The following ADAMTSL1 variants were observed in gnomAD, a reference collection of about 807,000 sequenced individuals.
ADAMTSL1 encodes ADAMTS like 1.
In ADAMTSL1, 126 loss-of-function variants were observed where a neutral mutation model predicts 201.8. That is an observed-to-expected ratio of 0.62 (90% CI 0.54 to 0.72). The LOEUF (loss-of-function observed/expected upper bound fraction) is 0.72, where lower values mean the gene tolerates loss of function less well. Ranked by LOEUF, ADAMTSL1 falls within the 30% of genes least tolerant of loss-of-function variation. The pLI is 0.00. For synonymous variants in ADAMTSL1, 1,121 were observed against 903.4 expected, an observed-to-expected ratio of 1.24 and a Z score of -4.32; for missense variants, 2,679 against 2,277.8, an observed-to-expected ratio of 1.18 and a Z score of -3.59.
chr9:18,306,800 C>A (rs1450908032), intron 2 of ADAMTSL1, among the ~76,000 whole-genome samples: 1 of 152,162 alleles, frequency 6.6e-6, no homozygotes, highest in Non-Finnish European at 1.5e-5. Flanking sequence ...ACTTCCCCAA[C>A]CTAGCAAGAC....
intron 3 of ADAMTSL1, among the ~76,000 whole-genome samples, chr9:18,546,141 C>G (rs1820452898): frequency 6.6e-6 from 1 of 152,134 alleles, no homozygotes; most frequent in Non-Finnish European, 1.5e-5. Context: ...AATTGTGAAA[C>G]TTAAAGAGGT....
In ADAMTSL1 at chr9:18,664,893, A is replaced by T. The variant is rs754918974; in HGVS notation, c.1085+2820A>T. 9.7e-4 allele frequency among the ~76,000 whole-genome samples: 147 copies of T among 152,166 alleles called. 1 individual carries two copies. Among genetic ancestry groups the T allele is most frequent in the Non-Finnish European group, 1.7e-3 (115 of 67,946 alleles). ...AGAGCCTGTTGTTCCACAGTTTTTT[A>T]AATTAAATTTTGTTTTATATATTTT... On this transcript the variant is annotated intron_variant, in intron 9 of 28. Coordinates refer to ENST00000380548, the MANE Select transcript of ADAMTSL1 (RefSeq NM_001040272.6).
rs367904539 is a variant in ADAMTSL1 at position 18,622,149 on chromosome 9, A to G, written c.475-94A>G. The G allele has an allele frequency of 1.4e-5, 21 of 1,499,628 alleles. No homozygotes were observed. The East Asian group carries it at 1.8e-4, about 13-fold the overall frequency. The allele number at this position is 1,499,628 out of a possible 1,614,324, so 92.9% of individuals were successfully genotyped here. ...GGGGTATGTTTTAGGCCCCTCAGGG[A>G]TGAAGGGAGGGTTATTTCATGGTGA... On this transcript the variant is annotated intron_variant, in intron 4 of 28. Coordinates refer to ENST00000380548, the MANE Select transcript of ADAMTSL1 (RefSeq NM_001040272.6).
intron 2 of ADAMTSL1, among the ~76,000 whole-genome samples, chr9:18,299,521 A>G (rs939048592): frequency 6.6e-6 from 1 of 152,208 alleles, no homozygotes; most frequent in Non-Finnish European, 1.5e-5. Context: ...ACAGATGAGA[A>G]GAGAGATCTC....
At chr9:18,229,251 G>A (rs1245505640) in intron 2 of ADAMTSL1, among the ~76,000 whole-genome samples, 1 of 152,092 alleles carries the variant, frequency 6.6e-6, no homozygotes, top group African/African-American at 2.4e-5. Flanking sequence ...ACTATTTAAG[G>A]CAAAAGAACA....
At chr9:18,658,361 A>T (rs555978761) in intron 8 of ADAMTSL1, among the ~76,000 whole-genome samples, 4 of 152,360 alleles carry the variant, frequency 2.6e-5, no homozygotes, top group African/African-American at 9.6e-5. Context: ...GTCCTGAAGC[A>T]GGCAGGTCCA....
chr9:18,772,307 T>C (rs988657954), intron 17 of ADAMTSL1, among the ~76,000 whole-genome samples: 1 of 152,214 alleles, frequency 6.6e-6, no homozygotes, highest in Non-Finnish European at 1.5e-5. Context: ...TGTGTTATAA[T>C]TGTCTTCCTG....
chr9:18,574,023 T>G lies in ADAMTSL1; in HGVS notation c.238-7T>G. On this transcript the variant is annotated splice_polypyrimidine_tract_variant and splice_region_variant and intron_variant, in intron 3 of 28. Coordinates refer to ENST00000380548, the MANE Select transcript of ADAMTSL1 (RefSeq NM_001040272.6). The stretch of plus-strand genomic sequence containing the variant: ...CTTTGTATGTCCTTTCTCTCTTTTT[T>G]CTCCAGGACTGCCCACCAGAAGCAG... 3.1e-6 allele frequency: 5 copies of G among 1,610,492 alleles called. No individual in the cohort carries two copies. Among genetic ancestry groups the G allele is most frequent in the Non-Finnish European group, 4.2e-6 (5 of 1,177,848 alleles).
chr9:18,484,674 C>T (rs890481679), intron 1 of ADAMTSL1, among the ~76,000 whole-genome samples: 2 of 152,202 alleles, frequency 1.3e-5, no homozygotes, highest in Non-Finnish European at 2.9e-5. Context: ...GGTTTTCCCA[C>T]AAAAGGTTTG....
rs866653658 is a variant in ADAMTSL1 at position 18,054,020 on chromosome 9, C to T, written c.88-109842C>T. 8.7e-4 allele frequency among the ~76,000 whole-genome samples: 132 copies of T among 152,050 alleles called. 1 individual carries two copies. Among genetic ancestry groups the T allele is most frequent in the African/African-American group, 3.0e-3 (123 of 41,458 alleles). ...TTTTTTTTCAGAATATTTCAGTAGC[C>T]TGTGCAGTTCTGGTTATAAAAGGAC... On this transcript the variant is annotated intron_variant, in intron 1 of 29. Coordinates refer to the ADAMTSL1 transcript ENST00000680146.
rs1274168972 is a variant in ADAMTSL1, at chr9:18,693,751, G to A, written c.1574+8951G>A. 4.6e-5 allele frequency among the ~76,000 whole-genome samples: 7 copies of A among 152,100 alleles called. No homozygotes were observed. In the East Asian group the frequency reaches 1.3e-3, roughly 29 times the overall value. ...GAAGTTCTACCTTCATAGAGATTTG[G>A]TCAAGTGAGGGGGACAATTATTACA... On this transcript the variant is annotated intron_variant, in intron 13 of 28. Coordinates refer to ENST00000380548, the MANE Select transcript of ADAMTSL1 (RefSeq NM_001040272.6).
At chr9:18,806,955 T>TA (rs11371280) in intron 20 of ADAMTSL1, among the ~76,000 whole-genome samples, 61,352 of 151,998 alleles carry the variant, frequency 0.4, 12,830 homozygotes, top group East Asian at 0.52. Flanking sequence ...CCTCGTTTAC[T>TA]GTGAGGCTCT....
chr9:18,249,602 AT>A (rs1158014416), intron 2 of ADAMTSL1, among the ~76,000 whole-genome samples: 2 of 152,124 alleles, frequency 1.3e-5, no homozygotes, highest in Admixed American at 1.3e-4. Context: ...GCCTACTGTT[AT>A]TGTTTCATGC....
At chr9:17,999,017 T>A (rs1034139915) in intron 1 of ADAMTSL1, among the ~76,000 whole-genome samples, 1 of 152,070 alleles carries the variant, frequency 6.6e-6, no homozygotes, top group African/African-American at 2.4e-5. Context: ...AAAAGCCCTC[T>A]CTTTGGGGAA....
At chr9:18,107,155 G>A (rs1333454125) in intron 1 of ADAMTSL1, among the ~76,000 whole-genome samples, 2 of 152,138 alleles carry the variant, frequency 1.3e-5, no homozygotes, top group Admixed American at 1.3e-4. Context: ...TGTCATGAGG[G>A]TATAGTGGGC....
chr9:18,164,517 T>C (rs1229443858), intron 2 of ADAMTSL1, among the ~76,000 whole-genome samples: 2 of 151,784 alleles, frequency 1.3e-5, no homozygotes, highest in Non-Finnish European at 2.9e-5. Flanking sequence ...TGACTGGAGA[T>C]GTCAAGATTA....
intron 3 of ADAMTSL1, among the ~76,000 whole-genome samples, chr9:18,554,217 A>T (rs1177556254): frequency 1.3e-5 from 2 of 151,498 alleles, no homozygotes; most frequent in African/African-American, 4.8e-5. Context: ...CTCTTTCAAA[A>T]TTCTTCTTAA....
chr9:18,847,752 A>G (rs1826223784), intron 23 of ADAMTSL1, among the ~76,000 whole-genome samples: 2 of 152,216 alleles, frequency 1.3e-5, no homozygotes, highest in South Asian at 2.1e-4. Flanking sequence ...CAGGAACAAC[A>G]AAAAGGCCAG....
At chr9:17,927,815 G>C (rs1826615018) in intron 1 of ADAMTSL1, among the ~76,000 whole-genome samples, 2 of 151,962 alleles carry the variant, frequency 1.3e-5, no homozygotes, top group South Asian at 4.1e-4. Flanking sequence ...GGGTGTCCTG[G>C]AGTGAATCCC....
Sources: allele counts gnomAD v4.1 joint callset (sites outside exome capture counted in the v4.1 genomes callset), GRCh38; gene constraint gnomAD v4.1.1; transcripts MANE v1.5; gene names NCBI Gene and HGNC (gene_info 2026-07-23, HGNC 2026-07-21).